VDAC1: variants seen among roughly 807,000 people sequenced by gnomAD.
The protein encoded by VDAC1 is non-selective voltage-gated ion channel VDAC1.
A neutral mutation model predicts 34.7 loss-of-function variants in VDAC1; 10 were observed. The observed-to-expected ratio is 0.29, with a 90% CI of 0.18 to 0.49. VDAC1 has a LOEUF of 0.49. Ranked by LOEUF, VDAC1 falls within the 20% of genes least tolerant of loss-of-function variation. VDAC1 has a pLI of 0.99. For missense variants in VDAC1, 230 were observed against 347.9 expected, an observed-to-expected ratio of 0.66 and a Z score of 2.69; for synonymous variants, 130 against 136.0, an observed-to-expected ratio of 0.96 and a Z score of 0.30.
intron 6 of VDAC1, among the ~76,000 whole-genome samples, chr5:133,979,127 G>A (rs1352941261): frequency 6.6e-6 from 1 of 152,208 alleles, no homozygotes; most frequent in South Asian, 2.1e-4. Context: ...CAACCCAGAT[G>A]AGTTGTGTCA....
At chr5:134,015,507 C>G in the VDAC1 span, among the ~76,000 whole-genome samples, 1 of 152,186 alleles carries the variant, frequency 6.6e-6, no homozygotes, top group South Asian at 2.1e-4. Context: ...TTATAAGCCA[C>G]CCAGTCTATG....
the VDAC1 span, among the ~76,000 whole-genome samples, chr5:134,065,789 A>ATTTTTTTTTT: frequency 1.0e-5 from 1 of 99,850 alleles, no homozygotes. Flanking sequence ...CAGATAGTAA[A>ATTTTTTTTTT]TTTTTTTTTT....
the VDAC1 span, among the ~76,000 whole-genome samples, chr5:134,013,233 A>G: frequency 2.6e-5 from 4 of 152,184 alleles, no homozygotes; most frequent in Non-Finnish European, 5.9e-5. Flanking sequence ...CAGCAAAACA[A>G]AAATCAGCCT....
chr5:134,014,318 G>C, the VDAC1 span, among the ~76,000 whole-genome samples: 5 of 151,988 alleles, frequency 3.3e-5, no homozygotes, highest in Non-Finnish European at 5.9e-5. Flanking sequence ...AGACATACAA[G>C]TGGTCAACAA....
the VDAC1 span, among the ~76,000 whole-genome samples, chr5:134,038,191 G>A: frequency 1.3e-5 from 2 of 152,182 alleles, no homozygotes; most frequent in Non-Finnish European, 2.9e-5. Context: ...ATGGGGAGAA[G>A]AATTAGGCAG....
chr5:134,071,224 T>C, the VDAC1 span, among the ~76,000 whole-genome samples: 1 of 152,186 alleles, frequency 6.6e-6, no homozygotes, highest in Non-Finnish European at 1.5e-5. This position sits in a 1 kb window ranked among gnomAD's most constrained non-coding sequence, Gnocchi z 4.1. Flanking sequence ...TCCCCTTCCC[T>C]TGGAAGGCGC....
At chr5:134,009,042 A>G (rs1753794580), upstream of VDAC1, among the ~76,000 whole-genome samples, 1 of 152,090 alleles carries the variant, frequency 6.6e-6, no homozygotes, top group South Asian at 2.1e-4. Flanking sequence ...CAGGACAGAA[A>G]GCATCCCAAG....
chr5:134,033,798 C>T, the VDAC1 span, among the ~76,000 whole-genome samples: 1 of 151,856 alleles, frequency 6.6e-6, no homozygotes, highest in East Asian at 1.9e-4. Context: ...CGAGACCATC[C>T]TGGCTAACAC....
chr5:134,056,586 T>G, the VDAC1 span, among the ~76,000 whole-genome samples: 1 of 152,200 alleles, frequency 6.6e-6, no homozygotes, highest in Non-Finnish European at 1.5e-5. Context: ...ATTACAGGCA[T>G]GAGCCACTGC....
chr5:134,039,450 T>TC, the VDAC1 span, among the ~76,000 whole-genome samples: 2 of 152,188 alleles, frequency 1.3e-5, no homozygotes, highest in Non-Finnish European at 2.9e-5. Flanking sequence ...CGCCTCAGCC[T>TC]TCTGAGTAGC....
chr5:134,008,185 A>G (rs1177542121), upstream of VDAC1, among the ~76,000 whole-genome samples: 2 of 151,736 alleles, frequency 1.3e-5, no homozygotes, highest in African/African-American at 2.4e-5. Flanking sequence ...GGATGGACCA[A>G]TGAGACCAGA....
chr5:134,040,506 C>T, the VDAC1 span, among the ~76,000 whole-genome samples: 2 of 151,448 alleles, frequency 1.3e-5, no homozygotes, highest in East Asian at 3.9e-4. Flanking sequence ...ACCCGGGAGG[C>T]AGAGGTTGCA....
At chr5:133,980,202 C>G (rs2126919411) in intron 6 of VDAC1, among the ~76,000 whole-genome samples, 1 of 152,292 alleles carries the variant, frequency 6.6e-6, no homozygotes, top group South Asian at 2.1e-4. Flanking sequence ...TACTTCAATT[C>G]TCAAGGGGCT....
chr5:133,994,156 T>C (rs913833761), intron 1 of VDAC1, among the ~76,000 whole-genome samples: 6 of 152,192 alleles, frequency 3.9e-5, no homozygotes. Context: ...TCATATGACA[T>C]GATATGCTTC....
At chr5:134,059,522 T>C in the VDAC1 span, among the ~76,000 whole-genome samples, 2 of 152,036 alleles carry the variant, frequency 1.3e-5, no homozygotes, top group East Asian at 1.9e-4. Flanking sequence ...AGCAGCCTTG[T>C]TCATAGGGCC....
chr5:133,985,037 ACATGT>A (rs151246022), intron 5 of VDAC1, among the ~76,000 whole-genome samples: 2,163 of 152,380 alleles, frequency 0.014, 49 homozygotes, highest in African/African-American at 0.05. Context: ...TAAGACATGC[ACATGT>A]CTTTACTCTA....
At chr5:134,098,465 T>A in the VDAC1 span, among the ~76,000 whole-genome samples, 1 of 152,218 alleles carries the variant, frequency 6.6e-6, no homozygotes, top group Non-Finnish European at 1.5e-5. Context: ...CTTCGGGTGA[T>A]CTGCCTGCCT....
chr5:134,030,295 G>T, the VDAC1 span, among the ~76,000 whole-genome samples: 79 of 151,954 alleles, frequency 5.2e-4, no homozygotes, highest in South Asian at 8.3e-4. Flanking sequence ...GAGCAAGATC[G>T]TGCCATTATA....
the VDAC1 span, among the ~76,000 whole-genome samples, chr5:134,064,863 C>T: frequency 2.0e-5 from 3 of 151,692 alleles, no homozygotes; most frequent in Admixed American, 6.6e-5. Flanking sequence ...GACCCACAGG[C>T]GTGCACCACC....
Sources: allele counts gnomAD v4.1 joint callset (sites outside exome capture counted in the v4.1 genomes callset), GRCh38; gene constraint gnomAD v4.1.1; non-coding constraint Gnocchi (gnomAD v3.1); transcripts MANE v1.5; gene names NCBI Gene and HGNC (gene_info 2026-07-23, HGNC 2026-07-21).